MAGI2: variants seen among roughly 807,000 people sequenced by gnomAD.
The protein encoded by MAGI2 is membrane-associated guanylate kinase, WW and PDZ domain-containing protein 2.
Under a neutral mutation model 133.3 loss-of-function variants are expected in MAGI2, and 35 were observed. That is an observed-to-expected ratio of 0.26 (90% CI 0.20 to 0.35). The LOEUF (loss-of-function observed/expected upper bound fraction) is 0.35. MAGI2 is among the 10% of genes least tolerant of loss of function. The pLI is 1.00. For synonymous variants in MAGI2, 729 were observed against 710.6 expected (o/e 1.03, Z -0.41); for missense variants, 1,636 against 1,863.4 (o/e 0.88, Z 2.25).
At chr7:79,014,677 G>A (rs1346566314) in intron 1 of MAGI2, among the ~76,000 whole-genome samples, 1 of 152,024 alleles carries the variant, frequency 6.6e-6, no homozygotes, top group Non-Finnish European at 1.5e-5. Flanking sequence ...AAAGGGAAAA[G>A]CAATCTATTA....
At chr7:79,246,715 A>G (rs1444882606) in intron 1 of MAGI2, among the ~76,000 whole-genome samples, 1 of 152,176 alleles carries the variant, frequency 6.6e-6, no homozygotes, top group East Asian at 1.9e-4. Flanking sequence ...GTAGAGGGAG[A>G]GTTAGGGGTA....
chr7:78,791,974 T>TA (rs1416555056), intron 2 of MAGI2, among the ~76,000 whole-genome samples: 1 of 152,204 alleles, frequency 6.6e-6, no homozygotes, highest in Non-Finnish European at 1.5e-5. Flanking sequence ...TCTTTATTTT[T>TA]AAAAATATGC....
At chr7:78,472,475 A>G (rs1308497642) in intron 6 of MAGI2, among the ~76,000 whole-genome samples, 1 of 152,140 alleles carries the variant, frequency 6.6e-6, no homozygotes, top group Non-Finnish European at 1.5e-5. Flanking sequence ...AAAGGAGCCA[A>G]TGAACATCTT....
intron 6 of MAGI2, among the ~76,000 whole-genome samples, chr7:78,442,537 G>T (rs1787732078): frequency 6.6e-6 from 1 of 152,162 alleles, no homozygotes; most frequent in East Asian, 1.9e-4. Flanking sequence ...GTGGATTTCA[G>T]ATTTGCATGG....
chr7:78,698,452 C>A (rs1397976566), intron 2 of MAGI2, among the ~76,000 whole-genome samples: 2 of 152,192 alleles, frequency 1.3e-5, no homozygotes, highest in East Asian at 3.8e-4. Context: ...TGCCACTGTG[C>A]TGCTTAGTTA....
intron 6 of MAGI2, among the ~76,000 whole-genome samples, chr7:78,386,002 C>A (rs973491167): frequency 1.1e-4 from 17 of 152,006 alleles, no homozygotes; most frequent in Admixed American, 4.6e-4. Context: ...AACTTCCCCC[C>A]CTAGCTCAAA....
intron 16 of MAGI2, among the ~76,000 whole-genome samples, chr7:78,144,336 T>C (rs1281220876): frequency 6.6e-6 from 1 of 152,180 alleles, no homozygotes; most frequent in Non-Finnish European, 1.5e-5. Context: ...TTATCAATGT[T>C]AGTCAATATC....
At chr7:78,497,646 C>T (rs1261586974) in intron 5 of MAGI2, among the ~76,000 whole-genome samples, 2 of 152,174 alleles carry the variant, frequency 1.3e-5, no homozygotes, top group African/African-American at 4.8e-5. Flanking sequence ...AAAACCTATA[C>T]TGTTTAATAC....
intron 4 of MAGI2, among the ~76,000 whole-genome samples, chr7:78,520,680 T>C (rs1433142343): frequency 6.6e-6 from 1 of 152,182 alleles, no homozygotes; most frequent in Non-Finnish European, 1.5e-5. Flanking sequence ...AATAATTTTA[T>C]TTTAAAAATC....
intron 1 of MAGI2, among the ~76,000 whole-genome samples, chr7:79,393,521 A>C (rs527725154): frequency 6.6e-6 from 1 of 152,304 alleles, no homozygotes; most frequent in South Asian, 2.1e-4. Context: ...TTATAAAAAA[A>C]TTAACATATA....
chr7:78,427,659 CA>C (rs1166524882), intron 6 of MAGI2, among the ~76,000 whole-genome samples: 2,136 of 69,484 alleles, frequency 0.031, 23 homozygotes, highest in Middle Eastern at 0.045. Flanking sequence ...AACAAAAAGA[CA>C]AAAAAAAAAA....
intron 11 of MAGI2, among the ~76,000 whole-genome samples, chr7:78,198,503 C>T (rs982045907): frequency 7.4e-6 from 1 of 135,050 alleles, no homozygotes; most frequent in African/African-American, 2.7e-5. Context: ...ATGATCTTGG[C>T]TTACTGCAAC....
chr7:78,660,942 C>G (rs150429706), intron 2 of MAGI2, among the ~76,000 whole-genome samples: 1 of 152,116 alleles, frequency 6.6e-6, no homozygotes, highest in African/African-American at 2.4e-5. Context: ...ACTTGCAAAT[C>G]TTAACACCCA....
rs146930289 is a variant in MAGI2, at chr7:79,387,398, C to T, written c.301+65622G>A. On this transcript the variant is annotated intron_variant, in intron 1 of 21. Coordinates refer to ENST00000354212, the MANE Select transcript of MAGI2 (RefSeq NM_012301.4). ...ACTTTTAACCTCTTCTATCATATCT[C>T]TGTATTGCAACTTGTTACACTACTT... is the stretch of plus-strand genomic sequence containing the variant. 4.1e-3 allele frequency among the ~76,000 whole-genome samples: 617 copies of T among 152,164 alleles called. 5 individuals carry two copies. The highest frequency in any genetic ancestry group is 0.014 in the African/African-American group (598 of 41,536).
intron 1 of MAGI2, among the ~76,000 whole-genome samples, chr7:79,244,227 A>T (rs1185055577): frequency 6.6e-6 from 1 of 152,216 alleles, no homozygotes; most frequent in East Asian, 1.9e-4. Flanking sequence ...CTGATCATCC[A>T]TCCTCCTCAC....
chr7:78,322,495 C>G lies in MAGI2; in HGVS notation c.1408+21283G>C, dbSNP rs190272330. Among the ~76,000 whole-genome samples the G allele has an allele frequency of 1.8e-3, 267 of 152,236 alleles. 2 individuals carry two copies. The highest frequency in any genetic ancestry group is 6.3e-3 in the African/African-American group (260 of 41,536). On this transcript the variant is annotated intron_variant, in intron 9 of 21. Transcript: ENST00000354212. ...CGAAGCTGAAAACCATCGTTCTCAG[C>G]AAACTAACACAAAAACAGAAAACCA...
chr7:78,558,465 GAAAC>G (rs1800051961), intron 3 of MAGI2, among the ~76,000 whole-genome samples: 2 of 152,118 alleles, frequency 1.3e-5, no homozygotes, highest in Non-Finnish European at 2.9e-5. Context: ...AAAGAAGAAT[GAAAC>G]TTAAGATTCA....
intron 20 of MAGI2, among the ~76,000 whole-genome samples, chr7:78,109,070 C>T (rs191845399): frequency 0.012 from 1,814 of 151,460 alleles, 12 homozygotes; most frequent in Non-Finnish European, 0.019. Flanking sequence ...TTTGGGAGGC[C>T]GAGGCGGGCG....
At chr7:79,018,156 G>T (rs775501332) in intron 1 of MAGI2, among the ~76,000 whole-genome samples, 5 of 151,868 alleles carry the variant, frequency 3.3e-5, no homozygotes, top group Admixed American at 2.0e-4. Context: ...TAGAAAGAAG[G>T]GTCAGCTAAC....
Sources: gnomAD v4.1 joint callset for allele counts (sites outside exome capture counted in the v4.1 genomes callset) on GRCh38, gnomAD v4.1.1 for gene constraint, MANE v1.5 for transcripts, NCBI Gene and HGNC (gene_info 2026-07-23, HGNC 2026-07-21) for gene names.